Variants in SH3BP1 observed in about 807,000 individuals in gnomAD.
SH3BP1 encodes SH3 domain binding protein 1.
Under a neutral mutation model 69.8 loss-of-function variants are expected in SH3BP1, and 46 were observed. The ratio of observed to expected loss-of-function variants is 0.66; its 90% CI spans 0.52 to 0.84. The LOEUF (loss-of-function observed/expected upper bound fraction) is 0.84. SH3BP1 is among the 40% of genes least tolerant of loss of function. SH3BP1 has a pLI of 0.00. For synonymous variants in SH3BP1, 403 were observed against 378.0 expected (o/e 1.07, Z -0.77); for missense variants, 868 against 930.9 (o/e 0.93, Z 0.88).
chr22:37,641,510 G>A, intron 3 of SH3BP1, 32 bp downstream of exon 3: 1 of 1,512,270 alleles, frequency 6.6e-7, no homozygotes, highest in Non-Finnish European at 8.9e-7. Flanking sequence ...GGAGGGGCCT[G>A]AGCAGGAGAC....
intron 7 of SH3BP1, among the ~76,000 whole-genome samples, chr22:37,644,118 G>A (rs1049306933): frequency 6.6e-6 from 1 of 152,230 alleles, no homozygotes; most frequent in African/African-American, 2.4e-5. Flanking sequence ...GGTGGCTTAC[G>A]CCTGTAATCC....
At chr22:37,640,816 G>C (rs1000128341) in intron 1 of SH3BP1, 1 of 447,198 alleles carries the variant, frequency 2.2e-6, no homozygotes, top group African/African-American at 2.0e-5. Flanking sequence ...GCAGAAAAGA[G>C]GCTTCTGTGT....
At position 37,653,837 on chromosome 22, in the gene SH3BP1, GAGACAGC is replaced by G. The variant is rs1251958104; in HGVS notation, c.1658_1664del (p.Glu553ValfsTer103). On this transcript the variant is annotated frameshift_variant, in exon 17 of 18. Coordinates refer to ENST00000649765, the MANE Select transcript of SH3BP1 (RefSeq NM_018957.6). LOFTEE classifies it low-confidence loss of function (END_TRUNC). ...CCCCAAGGTCACCAGGAGTCCCCCG[GAGACAGC>G]TGCCCCAGTGGAGGACATGGCTCGG... 6.2e-7 allele frequency: 1 copy of G among 1,603,654 alleles called. No homozygotes were observed. The highest frequency in any genetic ancestry group is 8.5e-7 in the Non-Finnish European group (1 of 1,174,114).
Position 37,655,825 on chromosome 22 carries a change from C to T in SH3BP1, c.*141C>T. 2.7e-6 allele frequency: 4 copies of T among 1,472,800 alleles called. No individual in the cohort carries two copies. The highest frequency in any genetic ancestry group is 3.6e-6 in the Non-Finnish European group (4 of 1,118,824). 91.2% of individuals were successfully genotyped at this position (1,472,800 alleles called of 1,614,324 possible). On this transcript the variant is annotated 3_prime_UTR_variant, in exon 18 of 18. Transcript: ENST00000649765. ...GCCTCAGTGCCCACTGGGTCGGCCC[C>T]CATGGCCAGGAGGGCTCAGGACAAT... is the stretch of plus-strand genomic sequence containing the variant.
chr22:37,639,897 G>T lies in SH3BP1; in HGVS notation c.59+51G>T, dbSNP rs780097564. 2.1e-5 allele frequency: 29 copies of T among 1,411,786 alleles called. No homozygotes were observed. In the South Asian group the frequency reaches 3.6e-4, roughly 18 times the overall value. 87.5% of individuals were successfully genotyped at this position (1,411,786 alleles called of 1,614,324 possible). A position where few individuals can be genotyped will look rare whatever the true frequency, so the allele number is the denominator to read the frequency against. On this transcript the variant is annotated intron_variant, in intron 1 of 17. Transcript: ENST00000649765. Reference sequence around the variant, plus strand: ...ACTCTTACCCCGGCAGGACTTGAGGGGTCGTAAAAGGGTCGGGGGAGACGG... The same window carrying T: ...ACTCTTACCCCGGCAGGACTTGAGGTGTCGTAAAAGGGTCGGGGGAGACGG...
At chr22:37,644,762 A>G in intron 8 of SH3BP1, 57 bp downstream of exon 8, 1 of 1,606,386 alleles carries the variant, frequency 6.2e-7, no homozygotes, top group Non-Finnish European at 8.5e-7. Flanking sequence ...TGCCAGAGCC[A>G]GGGGCCACTG....
intron 13 of SH3BP1, 38 bp from the exon 14 acceptor site, chr22:37,648,281 G>A (rs1436385234): frequency 1.4e-6 from 2 of 1,411,946 alleles, no homozygotes; most frequent in Non-Finnish European, 9.9e-7. Flanking sequence ...AGGGCTGGGT[G>A]CGTTCTGCCC....
At chr22:37,651,510 A>G (rs1434591141) in intron 16 of SH3BP1, among the ~76,000 whole-genome samples, 1 of 151,264 alleles carries the variant, frequency 6.6e-6, no homozygotes, top group Non-Finnish European at 1.5e-5. Context: ...TTGTATTTTC[A>G]GTAGAGACAG....
chr22:37,648,032 G>A (rs1349404565), intron 13 of SH3BP1, among the ~76,000 whole-genome samples: 1 of 152,186 alleles, frequency 6.6e-6, no homozygotes, highest in Non-Finnish European at 1.5e-5. Context: ...TTGAACTTTT[G>A]AAGCCATACC....
At position 37,653,751 on chromosome 22, in the gene SH3BP1, C is replaced by T. The variant is rs748427345; in HGVS notation, c.1599-28C>T. On this transcript the variant is annotated intron_variant, in intron 16 of 17. Coordinates refer to ENST00000649765, the MANE Select transcript of SH3BP1 (RefSeq NM_018957.6). ...TGAGACTTCTGGGAGGTGGCTAAGT[C>T]TGCCCCATCCTCTCCTTCCCTCTGC... 1.0e-5 allele frequency: 16 copies of T among 1,538,706 alleles called. No individual in the cohort carries two copies. The South Asian group carries it at 1.6e-4, about 15-fold the overall frequency.
At chr22:37,653,531 TC>T (rs1305585925) in intron 16 of SH3BP1, among the ~76,000 whole-genome samples, 1 of 151,998 alleles carries the variant, frequency 6.6e-6, no homozygotes, top group African/African-American at 2.4e-5. Context: ...CAGGTGGGGC[TC>T]CCTCCTGGTC....
chr22:37,648,289 C>T, intron 13 of SH3BP1, 30 bp from the exon 14 acceptor site: 1 of 1,492,734 alleles, frequency 6.7e-7, no homozygotes, highest in Non-Finnish European at 9.2e-7. Flanking sequence ...GTGCGTTCTG[C>T]CCCTGGCCTA....
intron 1 of SH3BP1, 76 bp downstream of exon 1, chr22:37,639,922 G>T: frequency 8.9e-7 from 1 of 1,126,588 alleles, no homozygotes; most frequent in South Asian, 1.5e-5. Context: ...GGGGGAGACG[G>T]GGGTGGGGGA....
At chr22:37,648,631 G>A in intron 14 of SH3BP1, 196 bp downstream of exon 14, 1 of 557,308 alleles carries the variant, frequency 1.8e-6, no homozygotes, top group Admixed American at 3.0e-5. Flanking sequence ...GGCAATTCTG[G>A]CATTTTGGCC....
In SH3BP1 at chr22:37,648,379, C is replaced by G. The variant is rs1363139457; in HGVS notation, c.1260C>G (p.Pro420=). The change falls in exon 14 of 18, where the codon CCC becomes CCG. Residue 420 remains proline, a synonymous_variant. Transcript: ENST00000649765. ...AEEQEVNKMT[P]SNIAIVLGPN... ...AGCAGGAGGTGAACAAGATGACACC[C>G]AGCAACATCGCCATAGTCCTGGGAC... The G allele has an allele frequency of 6.4e-7, 1 of 1,571,386 alleles. No homozygotes were observed. The highest frequency in any genetic ancestry group is 8.6e-7 in the Non-Finnish European group (1 of 1,157,870).
chr22:37,643,217 CCA>C (rs1569005942), intron 6 of SH3BP1, 43 bp downstream of exon 6: 3 of 1,530,306 alleles, frequency 2.0e-6, no homozygotes, highest in Non-Finnish European at 2.7e-6. Flanking sequence ...CTGGGTCAGC[CCA>C]CAGAGATGGT....
chr22:37,650,823 G>T, intron 16 of SH3BP1, 98 bp downstream of exon 16: 1 of 1,421,752 alleles, frequency 7.0e-7, no homozygotes, highest in East Asian at 2.4e-5. Context: ...TTTTGGAAAT[G>T]TAATTATTAG....
chr22:37,648,697 G>T (rs1601586936), intron 14 of SH3BP1: 5 of 316,646 alleles, frequency 1.6e-5, no homozygotes, highest in South Asian at 5.5e-5. Flanking sequence ...CAGAGATCGG[G>T]TTCTTTTTTT....
At chr22:37,653,257 C>T (rs971480910) in intron 16 of SH3BP1, among the ~76,000 whole-genome samples, 8 of 151,926 alleles carry the variant, frequency 5.3e-5, no homozygotes, top group African/African-American at 1.5e-4. Flanking sequence ...GACAAAACCC[C>T]GTCTCTACTA....
Sources: gnomAD v4.1 joint callset for allele counts (sites outside exome capture counted in the v4.1 genomes callset) on GRCh38, gnomAD v4.1.1 for gene constraint, MANE v1.5 for transcripts, NCBI Gene and HGNC (gene_info 2026-07-23, HGNC 2026-07-21) for gene names.